Variants in IL7R observed in about 807,000 individuals in gnomAD.
IL7R encodes interleukin 7 receptor.
In IL7R, 38 loss-of-function variants were observed where a neutral mutation model predicts 47.0. The observed-to-expected ratio is 0.81, with a 90% CI of 0.62 to 1.06. The LOEUF is 1.06. Among genes scored for constraint, IL7R ranks in the 50% least tolerant of loss-of-function variants. IL7R has a pLI of 0.00. For missense variants in IL7R, 633 were observed against 534.8 expected (o/e 1.18, Z -1.81); for synonymous variants, 221 against 199.8 (o/e 1.11, Z -0.89).
rs1760278003 is a variant in IL7R, at chr5:35,878,766, A to G, written c.*2280A>G. On this transcript the variant is annotated 3_prime_UTR_variant, in exon 8 of 8. Transcript: ENST00000303115. ...AGACAGGTAAATTACCCAACCTCAC[A>G]CGTTAAGTCAGAACTGGGAGCCATA... The G allele has an allele frequency of 4.3e-6, 1 of 233,060 alleles. No homozygotes were observed. Among genetic ancestry groups the G allele is most frequent in the East Asian group, 6.1e-5 (1 of 16,524 alleles). 14.4% of individuals were successfully genotyped at this position (233,060 alleles called of 1,614,324 possible).
In IL7R at chr5:35,876,064, G is replaced by T. The variant is rs202226690; in HGVS notation, c.958G>T (p.Val320Leu). The change falls in exon 8 of 8, where the codon GTG becomes TTG. Residue 320 changes from valine (V) to leucine (L), a missense_variant. Coordinates refer to ENST00000303115, the MANE Select transcript of IL7R (RefSeq NM_002185.5). ...GGATGACATTCAAGCTAGAGATGAA[G>T]TGGAAGGTTTTCTGCAAGATACGTT... is the stretch of plus-strand genomic sequence containing the variant. ...RVDDIQARDE[V>L]EGFLQDTFPQ... is the part of the protein sequence containing the mutation. The T allele has an allele frequency of 1.2e-6, 2 of 1,614,168 alleles. No individual in the cohort carries two copies. Among genetic ancestry groups the T allele is most frequent in the Non-Finnish European group, 1.7e-6 (2 of 1,180,038 alleles).
intron 4 of IL7R, 155 bp from the exon 5 acceptor site, chr5:35,873,325 A>G (rs1370368478): frequency 5.7e-6 from 4 of 703,042 alleles, no homozygotes; most frequent in Non-Finnish European, 2.6e-6. Flanking sequence ...TTTGCTGTTG[A>G]CTCCTTTACG....
chr5:35,860,730 C>T, intron 1 of IL7R, 122 bp from the exon 2 acceptor site: 1 of 1,013,262 alleles, frequency 9.9e-7, no homozygotes, highest in South Asian at 1.3e-5. Context: ...TCCTTGAATA[C>T]TACATAATCC....
intron 2 of IL7R, among the ~76,000 whole-genome samples, chr5:35,866,869 G>A (rs777273965): frequency 2.0e-5 from 3 of 151,864 alleles, no homozygotes; most frequent in Non-Finnish European, 4.4e-5. Flanking sequence ...GTGATATTAT[G>A]TATATAACCC....
chr5:35,865,898 G>C (rs1312015826), intron 2 of IL7R, among the ~76,000 whole-genome samples: 1 of 152,108 alleles, frequency 6.6e-6, no homozygotes, highest in Non-Finnish European at 1.5e-5. Context: ...ATCAAATTGT[G>C]TTTATTTGTT....
At position 35,877,028 on chromosome 5, in the gene IL7R, A is replaced by G. The variant is rs760279848; in HGVS notation, c.*542A>G. 6.3e-5 allele frequency: 15 copies of G among 239,742 alleles called. No individual in the cohort carries two copies. The highest frequency in any genetic ancestry group is 1.1e-4 in the Non-Finnish European group (13 of 122,056). The allele number at this position is 239,742 out of a possible 1,614,324, so 14.9% of individuals were successfully genotyped here. ...AGTAACTTGTCCAAGTTGTTCACAC[A>G]GTGAAGGGAGGGGCCAAGATATGAT... On this transcript the variant is annotated 3_prime_UTR_variant, in exon 8 of 8. Coordinates refer to ENST00000303115, the MANE Select transcript of IL7R (RefSeq NM_002185.5).
rs1310710552 is a variant in IL7R, at chr5:35,877,686, TAC to T, written c.*1202_*1203del. On this transcript the variant is annotated 3_prime_UTR_variant, in exon 8 of 8. Coordinates refer to ENST00000303115, the MANE Select transcript of IL7R (RefSeq NM_002185.5). The stretch of plus-strand genomic sequence containing the variant: ...GCCACAAACTTCAGGGAGAAAGAGT[TAC>T]AAGTACATGCAATGAGTGAACTGAC... The T allele has an allele frequency of 1.3e-5, 3 of 233,214 alleles. No homozygotes were observed. Among genetic ancestry groups the T allele is most frequent in the Non-Finnish European group, 2.5e-5 (3 of 118,076 alleles). 14.4% of individuals were successfully genotyped at this position (233,214 alleles called of 1,614,324 possible).
In IL7R at chr5:35,867,350, A is replaced by G; in HGVS notation, c.266A>G (p.Gln89Arg). The change falls in exon 3 of 8, where the codon CAA becomes CGA. Residue 89 changes from glutamine (Q) to arginine (R), a missense_variant. Physicochemically the swap from Gln to Arg is conservative, Grantham distance 43. Transcript: ENST00000303115. ...EVKCLNFRKLQEIYFIETKKF... is the reference protein window; with the variant it reads ...EVKCLNFRKLREIYFIETKKF... ...AAGTGCCTGAATTTCAGGAAACTAC[A>G]AGAGATATATTTCATCGAGACAAAG... 6.2e-7 allele frequency: 1 copy of G among 1,613,716 alleles called. No individual in the cohort carries two copies. The highest frequency in any genetic ancestry group is 8.5e-7 in the Non-Finnish European group (1 of 1,179,638).
chr5:35,857,622 G>A (rs910315461), intron 1 of IL7R, among the ~76,000 whole-genome samples: 3 of 152,124 alleles, frequency 2.0e-5, no homozygotes, highest in African/African-American at 7.2e-5. Flanking sequence ...GAGATTTTAA[G>A]TAAATAACTG....
Position 35,876,011 on chromosome 5 carries a change from G to T in IL7R, c.905G>T (p.Ser302Ile), listed in dbSNP as rs1380648416. The change falls in exon 8 of 8, where the codon AGT (serine) becomes ATT (isoleucine). Residue 302 changes from serine (S) to isoleucine (I), a missense_variant. Coordinates refer to ENST00000303115, the MANE Select transcript of IL7R (RefSeq NM_002185.5). The stretch of plus-strand genomic sequence containing the variant: ...TTAAATGTGAGTTTCAATCCTGAAA[G>T]TTTCCTGGACTGCCAGATTCATAGG... The part of the protein sequence containing the change: ...KNLNVSFNPE[S>I]FLDCQIHRVD... 13 of 1,613,720 alleles carry T rather than the reference G, an allele frequency of 8.1e-6. No homozygotes were observed. Among genetic ancestry groups the T allele is most frequent in the Non-Finnish European group, 1.0e-5 (12 of 1,180,020 alleles).
chr5:35,873,520 G>A lies in IL7R; in HGVS notation c.578G>A (p.Arg193Lys), dbSNP rs1413356753. 4.3e-6 allele frequency: 7 copies of A among 1,613,960 alleles called. No homozygotes were observed. Among genetic ancestry groups the A allele is most frequent in the Non-Finnish European group, 5.9e-6 (7 of 1,179,968 alleles). Residue 193 changes from arginine (R) to lysine (K), a missense_variant, in exon 5 of 8, where the codon AGA becomes AAA. Transcript: ENST00000303115. The stretch of plus-strand genomic sequence containing the variant: ...AGCACAAAGCTGACACTCCTGCAGA[G>A]AAAGCTCCAACCGGCAGCAATGTAT... ...LSSTKLTLLQ[R>K]KLQPAAMYEI...
chr5:35,863,505 C>G (rs531100944), intron 2 of IL7R, among the ~76,000 whole-genome samples: 2 of 152,142 alleles, frequency 1.3e-5, no homozygotes, highest in Non-Finnish European at 2.9e-5. Context: ...CAAGGGAAGC[C>G]AACACACATT....
chr5:35,875,574 A>C lies in IL7R; in HGVS notation c.863A>C (p.Lys288Thr). The change falls in exon 7 of 8, where the codon AAG becomes ACG. Residue 288 changes from lysine (K) to threonine (T), a missense_variant. Physicochemically the swap from Lys to Thr is moderately conservative, Grantham distance 78. Transcript: ENST00000303115. ...DHKKTLEHLC[K>T]KPRKNLNVSF... is the part of the protein sequence containing the mutation. ...AAGAAGACTCTGGAACATCTTTGTA[A>C]GAAACCAAGAAAAGTGAGTGTTTTT... 1 of 1,612,916 alleles carries C rather than the reference A, an allele frequency of 6.2e-7. No individual in the cohort carries two copies. The highest frequency in any genetic ancestry group is 8.5e-7 in the Non-Finnish European group (1 of 1,178,892).
At chr5:35,860,133 G>C (rs888576702) in intron 1 of IL7R, among the ~76,000 whole-genome samples, 3 of 151,878 alleles carry the variant, frequency 2.0e-5, no homozygotes. Flanking sequence ...CAGATACTGC[G>C]TCTATAGAAG....
At chr5:35,865,176 T>G (rs1244410686) in intron 2 of IL7R, among the ~76,000 whole-genome samples, 5 of 152,148 alleles carry the variant, frequency 3.3e-5, no homozygotes, top group Non-Finnish European at 7.3e-5. Flanking sequence ...GCTCTTATCG[T>G]TCAATTCCCA....
intron 3 of IL7R, among the ~76,000 whole-genome samples, chr5:35,870,508 C>T (rs1760045292): frequency 6.6e-6 from 1 of 152,226 alleles, no homozygotes; most frequent in Admixed American, 6.5e-5. Context: ...TTTAAATACT[C>T]CTGCTTTGGG....
intron 1 of IL7R, among the ~76,000 whole-genome samples, chr5:35,857,461 T>G (rs1759684672): frequency 7.1e-6 from 1 of 140,306 alleles, no homozygotes; most frequent in South Asian, 2.2e-4. Context: ...AAAGCATAAC[T>G]TTCAGGATAA....
chr5:35,857,110 T>C, intron 1 of IL7R, 51 bp downstream of exon 1: 2 of 1,149,404 alleles, frequency 1.7e-6, no homozygotes, highest in Non-Finnish European at 2.6e-6. Flanking sequence ...TGTAGCATGG[T>C]TTCAGGTTAT....
intron 2 of IL7R, among the ~76,000 whole-genome samples, chr5:35,864,379 G>C (rs1759889441): frequency 6.6e-6 from 1 of 151,876 alleles, no homozygotes; most frequent in Admixed American, 6.6e-5. Context: ...TCATTTTTCT[G>C]GGGTATAAAA....
Sources: allele counts gnomAD v4.1 joint callset (sites outside exome capture counted in the v4.1 genomes callset), GRCh38; gene constraint gnomAD v4.1.1; transcripts MANE v1.5; gene names NCBI Gene and HGNC (gene_info 2026-07-23, HGNC 2026-07-21).